Variants in PARVA observed in about 807,000 individuals in gnomAD.
The protein encoded by PARVA is parvin alpha.
A neutral mutation model predicts 52.6 loss-of-function variants in PARVA; 25 were observed. That is an observed-to-expected ratio of 0.48 (90% CI 0.35 to 0.66). PARVA has a LOEUF of 0.66. Among genes scored for constraint, PARVA ranks in the 30% least tolerant of loss-of-function variants. The pLI is 0.01. For missense variants in PARVA, 373 were observed against 450.9 expected (o/e 0.83, Z 1.56); for synonymous variants, 185 against 179.1 (o/e 1.03, Z -0.26).
At chr11:12,431,588 T>C (rs151024755) in intron 1 of PARVA, among the ~76,000 whole-genome samples, 31 of 152,350 alleles carry the variant, frequency 2.0e-4, no homozygotes, top group Admixed American at 7.2e-4. Flanking sequence ...CTAGGTCTTT[T>C]AAATGGGTTA....
intron 1 of PARVA, among the ~76,000 whole-genome samples, chr11:12,384,479 T>A (rs969812613): frequency 6.6e-6 from 1 of 152,162 alleles, no homozygotes; most frequent in Admixed American, 6.5e-5. Context: ...CAAGATAAAT[T>A]GGTAATGTTT....
chr11:12,487,567 A>T (rs1941175591), intron 4 of PARVA, among the ~76,000 whole-genome samples: 1 of 152,198 alleles, frequency 6.6e-6, no homozygotes, highest in Non-Finnish European at 1.5e-5. Flanking sequence ...TTGGACAATT[A>T]AAAAAATGAA....
At chr11:12,521,638 A>T (rs942978780) in intron 12 of PARVA, among the ~76,000 whole-genome samples, 1 of 152,072 alleles carries the variant, frequency 6.6e-6, no homozygotes, top group Non-Finnish European at 1.5e-5. Context: ...GACTTTGCAG[A>T]TGTGATTAAA....
At chr11:12,514,726 T>A (rs1007158977) in intron 10 of PARVA, among the ~76,000 whole-genome samples, 2 of 152,186 alleles carry the variant, frequency 1.3e-5, no homozygotes, top group Admixed American at 1.3e-4. Context: ...CCTCAGGTGA[T>A]CCACCCACCT....
intron 1 of PARVA, among the ~76,000 whole-genome samples, chr11:12,423,113 C>T (rs1221416267): frequency 6.6e-6 from 1 of 151,808 alleles, no homozygotes; most frequent in Non-Finnish European, 1.5e-5. Flanking sequence ...CTTGGCCTCT[C>T]AAAGTGCTGG....
At chr11:12,454,604 T>C (rs1218783086) in intron 1 of PARVA, among the ~76,000 whole-genome samples, 2 of 150,824 alleles carry the variant, frequency 1.3e-5, no homozygotes, top group Non-Finnish European at 2.9e-5. Context: ...GAAGAACTTC[T>C]GACTGTGGAA....
At chr11:12,474,854 T>A (rs919375051) in intron 3 of PARVA, among the ~76,000 whole-genome samples, 1 of 151,212 alleles carries the variant, frequency 6.6e-6, no homozygotes, top group Non-Finnish European at 1.5e-5. Context: ...TAATCCCAGC[T>A]ACTCGGGAGG....
At chr11:12,410,433 G>A (rs936580862) in intron 1 of PARVA, among the ~76,000 whole-genome samples, 5 of 152,204 alleles carry the variant, frequency 3.3e-5, no homozygotes, top group South Asian at 2.1e-4. Context: ...CTTTACTGTC[G>A]GCTCCTGTCT....
rs77636622 is a variant in PARVA at position 12,533,291 on chromosome 11, C to T, written c.*5366C>T. Among the ~76,000 whole-genome samples, 10 of 152,172 alleles carry T rather than the reference C, an allele frequency of 6.6e-5. No individual in the cohort carries two copies. In the East Asian group the frequency reaches 1.7e-3, roughly 26 times the overall value. On this transcript the variant is annotated 3_prime_UTR_variant, in exon 13 of 13. Coordinates refer to ENST00000334956, the MANE Select transcript of PARVA (RefSeq NM_018222.5). Reference sequence around the variant, plus strand: ...ACCAGTGCTTCCAGCCCTCTCACCTCGGAGGAGGACTCCTGTTTTACCAAC... The same window carrying T: ...ACCAGTGCTTCCAGCCCTCTCACCTTGGAGGAGGACTCCTGTTTTACCAAC...
At chr11:12,443,150 C>T (rs1476731131) in intron 1 of PARVA, among the ~76,000 whole-genome samples, 1 of 137,392 alleles carries the variant, frequency 7.3e-6, no homozygotes, top group Non-Finnish European at 1.5e-5. Context: ...CGTGAGCCAC[C>T]ATGCCCGGCG....
intron 1 of PARVA, among the ~76,000 whole-genome samples, chr11:12,390,590 A>T (rs1048525675): frequency 6.6e-6 from 1 of 152,156 alleles, no homozygotes; most frequent in Admixed American, 6.5e-5. Flanking sequence ...TGTAGTCTCT[A>T]TGTGGAATTA....
At chr11:12,440,349 G>T (rs1940448226) in intron 1 of PARVA, among the ~76,000 whole-genome samples, 1 of 152,176 alleles carries the variant, frequency 6.6e-6, no homozygotes, top group Admixed American at 6.5e-5. Flanking sequence ...CTAAGGGGGA[G>T]AGTCCAGGTG....
intron 7 of PARVA, among the ~76,000 whole-genome samples, chr11:12,509,864 C>T (rs929028217): frequency 6.6e-6 from 1 of 152,120 alleles, no homozygotes; most frequent in Non-Finnish European, 1.5e-5. Context: ...CTCACTGTCC[C>T]ACCGCCCACC....
chr11:12,399,978 A>G (rs1939803054), intron 1 of PARVA, among the ~76,000 whole-genome samples: 1 of 152,188 alleles, frequency 6.6e-6, no homozygotes, highest in Non-Finnish European at 1.5e-5. Flanking sequence ...GTCAAACATT[A>G]TGAAGGCTTT....
chr11:12,488,087 T>C (rs1470904581), intron 4 of PARVA, among the ~76,000 whole-genome samples: 1 of 152,094 alleles, frequency 6.6e-6, no homozygotes, highest in African/African-American at 2.4e-5. Flanking sequence ...TCAAGTAAAA[T>C]AGAAAGAGGA....
chr11:12,485,580 T>A (rs1463827795), intron 4 of PARVA, among the ~76,000 whole-genome samples: 2 of 152,230 alleles, frequency 1.3e-5, no homozygotes, highest in Non-Finnish European at 2.9e-5. Flanking sequence ...AATAGCAGTA[T>A]TGGATTATAA....
chr11:12,411,054 G>A (rs959374921), intron 1 of PARVA, among the ~76,000 whole-genome samples: 3 of 152,106 alleles, frequency 2.0e-5, no homozygotes, highest in African/African-American at 7.2e-5. Flanking sequence ...TACCTGGCCT[G>A]GTATAGCTAC....
intron 4 of PARVA, 32 bp from the exon 5 acceptor site, chr11:12,496,426 A>G: frequency 1.3e-6 from 2 of 1,595,068 alleles, no homozygotes; most frequent in Non-Finnish European, 1.7e-6. Flanking sequence ...GCCCAGCATA[A>G]CAGCTGTTCT....
chr11:12,442,192 G>A (rs975910093), intron 1 of PARVA, among the ~76,000 whole-genome samples: 7 of 152,242 alleles, frequency 4.6e-5, no homozygotes, highest in Non-Finnish European at 8.8e-5. Flanking sequence ...AGGATAAGGA[G>A]TCCTGGACAG....
Sources: gnomAD v4.1 joint callset for allele counts (sites outside exome capture counted in the v4.1 genomes callset) on GRCh38, gnomAD v4.1.1 for gene constraint, MANE v1.5 for transcripts, NCBI Gene and HGNC (gene_info 2026-07-23, HGNC 2026-07-21) for gene names.